The following UGT2B7 variants were observed in gnomAD, a reference collection of about 807,000 sequenced individuals.
UGT2B7 encodes the protein UDP glucuronosyltransferase family 2 member B7, also known as UDP-glucuronosyltransferase 2B7.
A neutral mutation model predicts 51.9 loss-of-function variants in UGT2B7; 51 were observed. The observed-to-expected ratio is 0.98, with a 90% CI of 0.78 to 1.24. The LOEUF is 1.24. UGT2B7 is among the 50% of genes most tolerant of loss of function. The pLI, the probability that UGT2B7 is intolerant of heterozygous loss-of-function variation, is 0.00. For missense variants in UGT2B7, 727 were observed against 628.4 expected (o/e 1.16, Z -1.68); for synonymous variants, 225 against 211.6 (o/e 1.06, Z -0.55).
At chr4:69,071,344 T>A (rs1718595673) in intron 1 of UGT2B7, among the ~76,000 whole-genome samples, 1 of 152,108 alleles carries the variant, frequency 6.6e-6, no homozygotes, top group Non-Finnish European at 1.5e-5. Flanking sequence ...TCTCTCCTCG[T>A]AACATATTGA....
intron 1 of UGT2B7, among the ~76,000 whole-genome samples, chr4:69,052,569 C>CAAAA (rs1204317464): frequency 4.6e-3 from 299 of 64,362 alleles, no homozygotes; most frequent in Non-Finnish European, 5.7e-3. Flanking sequence ...TGGTTATCTT[C>CAAAA]AAAAAAAAAA....
At chr4:69,078,840 C>T (rs1042707310) in intron 1 of UGT2B7, among the ~76,000 whole-genome samples, 1 of 152,086 alleles carries the variant, frequency 6.6e-6, no homozygotes, top group Non-Finnish European at 1.5e-5. Flanking sequence ...TGGTGTGTTA[C>T]TGGGGCAATA....
At chr4:69,107,953 A>T in intron 4 of UGT2B7, 150 bp from the exon 5 acceptor site, 1 of 950,690 alleles carries the variant, frequency 1.1e-6, no homozygotes, top group Non-Finnish European at 1.6e-6. Context: ...CATACCCAGT[A>T]CAAGTACGTG....
chr4:69,084,620 C>T (rs1198272687), intron 1 of UGT2B7, among the ~76,000 whole-genome samples: 2 of 151,962 alleles, frequency 1.3e-5, no homozygotes, highest in African/African-American at 2.4e-5. Context: ...CTCCTCTTTC[C>T]CCCCAACGCA....
intron 1 of UGT2B7, among the ~76,000 whole-genome samples, chr4:69,053,775 C>T (rs558868362): frequency 2.6e-5 from 4 of 152,192 alleles, no homozygotes; most frequent in East Asian, 1.9e-4. Context: ...ATCAGTCAGC[C>T]GTTGTTCATC....
chr4:69,063,330 A>AAAGAAAAG (rs1311483662), intron 1 of UGT2B7, among the ~76,000 whole-genome samples: 2 of 150,490 alleles, frequency 1.3e-5, no homozygotes, highest in East Asian at 1.9e-4. Context: ...AAAAAAAAAA[A>AAAGAAAAG]AAAAAAAAAG....
intron 5 of UGT2B7, 105 bp downstream of exon 5, chr4:69,108,427 A>G (rs1560512498): frequency 7.7e-7 from 1 of 1,303,398 alleles, no homozygotes; most frequent in South Asian, 1.6e-5. Flanking sequence ...TTTTGAAAGA[A>G]TTTAAATGAT....
intron 1 of UGT2B7, among the ~76,000 whole-genome samples, chr4:69,052,802 T>C (rs1457727124): frequency 1.3e-5 from 2 of 152,102 alleles, no homozygotes; most frequent in South Asian, 2.1e-4. Flanking sequence ...TTGAGTACTA[T>C]TGAAGAAACA....
chr4:69,063,843 T>A (rs1718411694), intron 1 of UGT2B7, among the ~76,000 whole-genome samples: 2 of 151,820 alleles, frequency 1.3e-5, no homozygotes, highest in African/African-American at 2.4e-5. Flanking sequence ...ATCAGAAACA[T>A]CCAATCAATC....
At chr4:69,090,984 C>A (rs1000109046) in intron 2 of UGT2B7, among the ~76,000 whole-genome samples, 1 of 152,144 alleles carries the variant, frequency 6.6e-6, no homozygotes, top group African/African-American at 2.4e-5. Flanking sequence ...CCTCAAATTT[C>A]TCTGTGATCC....
chr4:69,094,955 C>A (rs1719181920), upstream of UGT2B7, among the ~76,000 whole-genome samples: 1 of 152,208 alleles, frequency 6.6e-6, no homozygotes, highest in Non-Finnish European at 1.5e-5. Flanking sequence ...CTTTGCCCCT[C>A]CAAAAGTAGT....
intron 1 of UGT2B7, among the ~76,000 whole-genome samples, chr4:69,054,481 A>G (rs1243688663): frequency 1.3e-5 from 2 of 152,230 alleles, no homozygotes; most frequent in Non-Finnish European, 2.9e-5. Flanking sequence ...CACTAAGTAG[A>G]TACCAAAGCT....
rs757620685 is a variant in UGT2B7 at position 69,107,226 on chromosome 4, C to A, written c.1054C>A (p.Arg352=). The A allele has an allele frequency of 8.7e-6, 14 of 1,609,612 alleles. No individual in the cohort carries two copies. In the African/African-American group the frequency reaches 1.5e-4, roughly 17 times the overall value. The change falls in exon 4 of 6, where the codon CGG becomes AGG. Residue 352 remains arginine, a synonymous_variant. Coordinates refer to ENST00000305231, the MANE Select transcript of UGT2B7 (RefSeq NM_001074.4). ...NKPDTLGLNT[R]LYKWIPQNDL... ...ACCAGATACCTTAGGTCTCAATACT[C>A]GGCTCTACAAGTGGATACCCCAGAA...
intron 1 of UGT2B7, among the ~76,000 whole-genome samples, chr4:69,080,354 A>T (rs1718807818): frequency 6.6e-6 from 1 of 151,960 alleles, no homozygotes; most frequent in African/African-American, 2.4e-5. Context: ...TTGAGACCAG[A>T]CTGGACAATG....
At chr4:69,073,421 G>A (rs1193463511) in intron 1 of UGT2B7, among the ~76,000 whole-genome samples, 1 of 152,004 alleles carries the variant, frequency 6.6e-6, no homozygotes, top group Non-Finnish European at 1.5e-5. Context: ...ATTCTTCTTG[G>A]TATAGAGACT....
chr4:69,102,758 C>T (rs1004060702), intron 2 of UGT2B7, 49 bp from the exon 3 acceptor site: 5 of 1,584,818 alleles, frequency 3.2e-6, no homozygotes, highest in East Asian at 2.3e-5. Flanking sequence ...TTTGGTAGTG[C>T]CCGCTGTGCT....
At chr4:69,111,579 T>C (rs1337843132) in intron 5 of UGT2B7, among the ~76,000 whole-genome samples, 2 of 152,194 alleles carry the variant, frequency 1.3e-5, no homozygotes, top group Non-Finnish European at 2.9e-5. Flanking sequence ...GTAATTAGAT[T>C]GTTCATAATA....
intron 2 of UGT2B7, among the ~76,000 whole-genome samples, chr4:69,102,420 T>C (rs531985476): frequency 4.6e-5 from 7 of 152,198 alleles, no homozygotes; most frequent in African/African-American, 1.7e-4. Context: ...AACAACAATA[T>C]AGAATTAAAG....
chr4:69,108,389 G>A (rs1719676864), intron 5 of UGT2B7, 67 bp downstream of exon 5: 2 of 1,549,186 alleles, frequency 1.3e-6, no homozygotes, highest in African/African-American at 2.7e-5. Flanking sequence ...TAGTGAGTGT[G>A]AGTTTCATCC....
Sources: allele counts gnomAD v4.1 joint callset (sites outside exome capture counted in the v4.1 genomes callset), GRCh38; gene constraint gnomAD v4.1.1; transcripts MANE v1.5; gene names NCBI Gene and HGNC (gene_info 2026-07-23, HGNC 2026-07-21).